The following ADGRV1 variants were observed in gnomAD, a reference collection of about 807,000 sequenced individuals.
ADGRV1 encodes adhesion G protein-coupled receptor V1, also known as G-protein coupled receptor 98.
Under a neutral mutation model 596.2 loss-of-function variants are expected in ADGRV1, and 359 were observed. That is an observed-to-expected ratio of 0.60 (90% confidence interval 0.55 to 0.66). ADGRV1 has a LOEUF of 0.66. Among genes scored for constraint, ADGRV1 ranks in the 30% least tolerant of loss-of-function variants. ADGRV1 has a pLI of 0.00. For synonymous variants in ADGRV1, 2,681 were observed against 2,679.2 expected (o/e 1.00, Z -0.02); for missense variants, 7,274 against 7,575.6 (o/e 0.96, Z 1.48).
In ADGRV1 at chr5:90,708,877, T is replaced by C. The variant is rs766944705; in HGVS notation, c.8792T>C (p.Met2931Thr). 1 of 1,612,336 alleles carries C rather than the reference T, an allele frequency of 6.2e-7. No homozygotes were observed. Among genetic ancestry groups the C allele is most frequent in the East Asian group, 2.2e-5 (1 of 44,752 alleles). The stretch of plus-strand genomic sequence containing the variant: ...AATTTAACTTACGTTGGACTTACCA[T>C]GGCTGCTTCAACTTCATTTCCTCCC... Reference protein sequence around the residue: ...LVNLTYVGLTMAASTSFPPRL... With the variant: ...LVNLTYVGLTTAASTSFPPRL... The change falls in exon 39 of 90, where the codon ATG (methionine) becomes ACG (threonine). Residue 2931 changes from methionine to threonine, a missense_variant. Physicochemically the swap from Met to Thr is moderately conservative, Grantham distance 81. Transcript: ENST00000405460.
chr5:90,868,754 A>G (rs1037594245), intron 83 of ADGRV1, among the ~76,000 whole-genome samples: 1 of 151,052 alleles, frequency 6.6e-6, no homozygotes, highest in Non-Finnish European at 1.5e-5. Context: ...TTGGGTGAAT[A>G]TGAATAAAGA....
chr5:90,915,440 C>T (rs1307148550), intron 83 of ADGRV1, among the ~76,000 whole-genome samples: 1 of 152,068 alleles, frequency 6.6e-6, no homozygotes, highest in African/African-American at 2.4e-5. Context: ...ATCTCTGTGT[C>T]CTTTGGTCAG....
At chr5:90,619,604 AATT>A (rs1161669093) in intron 4 of ADGRV1, among the ~76,000 whole-genome samples, 1 of 151,540 alleles carries the variant, frequency 6.6e-6, no homozygotes, top group Non-Finnish European at 1.5e-5. Context: ...CTTTTTTTTT[AATT>A]ATTATTATTA....
chr5:90,769,367 G>A (rs1251981788), intron 59 of ADGRV1, among the ~76,000 whole-genome samples: 5 of 152,182 alleles, frequency 3.3e-5, no homozygotes, highest in South Asian at 2.1e-4. Context: ...TCCCTATTAT[G>A]TCTTTCCTCT....
rs551108832 is a variant in ADGRV1 at position 90,973,028 on chromosome 5, C to T, written c.17973+7497C>T. Among the ~76,000 whole-genome samples, 381 of 152,120 alleles carry T rather than the reference C, an allele frequency of 2.5e-3. 1 individual carries two copies. Among genetic ancestry groups the T allele is most frequent in the African/African-American group, 8.4e-3 (348 of 41,506 alleles). ...AAATTAATAAAGGGGATATCACCAC[C>T]GATCCCACAGAAATACAGACTACCA... On this transcript the variant is annotated intron_variant, in intron 84 of 89. Coordinates refer to ENST00000405460, the MANE Select transcript of ADGRV1 (RefSeq NM_032119.4).
chr5:90,588,098 T>G (rs1759014993), intron 1 of ADGRV1, among the ~76,000 whole-genome samples: 1 of 152,216 alleles, frequency 6.6e-6, no homozygotes, highest in South Asian at 2.1e-4. Context: ...AATACTGTAT[T>G]CTATAGCCAC....
chr5:90,960,720 A>G (rs1041765343), intron 83 of ADGRV1, among the ~76,000 whole-genome samples: 2 of 152,120 alleles, frequency 1.3e-5, no homozygotes, highest in Non-Finnish European at 2.9e-5. Flanking sequence ...ACGTTTTGAA[A>G]GGTAAACATG....
At chr5:91,116,750 C>T (rs988560242) in intron 87 of ADGRV1, among the ~76,000 whole-genome samples, 19 of 152,184 alleles carry the variant, frequency 1.2e-4, no homozygotes, top group African/African-American at 3.4e-4. Flanking sequence ...TGTTTTGGGA[C>T]ATGTTGGGCC....
At chr5:91,119,688 A>G (rs10070771) in intron 87 of ADGRV1, among the ~76,000 whole-genome samples, 8,769 of 152,300 alleles carry the variant, frequency 0.058, 365 homozygotes, top group East Asian at 0.15. Context: ...TTTGTAGCCA[A>G]CTTTAGGGCA....
rs2149568002 is a variant in ADGRV1, at chr5:90,679,537, C to T, written c.5444-12C>T. The T allele has an allele frequency of 1.2e-6, 2 of 1,604,992 alleles. No individual in the cohort carries two copies. Among genetic ancestry groups the T allele is most frequent in the Non-Finnish European group, 1.7e-6 (2 of 1,172,316 alleles). ...TGTTGTGTGGGTTGTGTCTCTGTGT[C>T]TCCTTGTGAAGTAGCTGAACTCTTT... On this transcript the variant is annotated splice_polypyrimidine_tract_variant and intron_variant, in intron 25 of 89. Transcript: ENST00000405460.
intron 58 of ADGRV1, among the ~76,000 whole-genome samples, chr5:90,761,218 T>C (rs1014721705): frequency 2.0e-5 from 3 of 152,208 alleles, no homozygotes; most frequent in African/African-American, 4.8e-5. Flanking sequence ...GATTTGGCTA[T>C]TGAATTTCAA....
intron 85 of ADGRV1, among the ~76,000 whole-genome samples, chr5:90,990,578 T>C (rs927863069): frequency 5.3e-5 from 8 of 152,178 alleles, no homozygotes; most frequent in Non-Finnish European, 8.8e-5. Context: ...CTCCCACCGC[T>C]CACCTCCTGC....
chr5:90,727,667 G>A (rs1304420107), intron 48 of ADGRV1, among the ~76,000 whole-genome samples: 3 of 152,106 alleles, frequency 2.0e-5, no homozygotes, highest in African/African-American at 7.2e-5. Flanking sequence ...ACTGGATTAT[G>A]CCTGTTCTGG....
At chr5:90,619,263 T>G in intron 4 of ADGRV1, 82 bp downstream of exon 4, 1 of 603,762 alleles carries the variant, frequency 1.7e-6, no homozygotes, top group Non-Finnish European at 2.8e-6. Flanking sequence ...TGATGTTAGC[T>G]AGTATCATGC....
chr5:90,762,774 A>G (rs1391611982), intron 58 of ADGRV1: 1 of 152,434 alleles, frequency 6.6e-6, no homozygotes, highest in African/African-American at 2.4e-5. Flanking sequence ...GATTGTAGTA[A>G]CAAAGATCCC....
At position 90,776,494 on chromosome 5, in the gene ADGRV1, G is replaced by C. The variant is rs1758248830; in HGVS notation, c.12445G>C (p.Gly4149Arg). ...IIIRGDKRAS[G>R]EVGIAPSSRH... ...TATTCGGGGTGATAAGCGAGCATCAGGAGAAGTTGGGATAGCTCCGTCATC... is the reference window on the plus strand; with the variant it reads ...TATTCGGGGTGATAAGCGAGCATCACGAGAAGTTGGGATAGCTCCGTCATC... Residue 4149 changes from glycine (G) to arginine (R), a missense_variant, in exon 61 of 90, where the codon GGA (glycine) becomes CGA (arginine). By Grantham distance (125) the Gly-to-Arg change is moderately radical. This residue lies in a region of ADGRV1 where 3,643 missense variants were observed against 3,809.2 expected (regional missense o/e 0.96). Transcript: ENST00000405460. The C allele has an allele frequency of 6.2e-7, 1 of 1,613,174 alleles. No individual in the cohort carries two copies. The highest frequency in any genetic ancestry group is 1.3e-5 in the African/African-American group (1 of 74,864).
chr5:90,910,224 A>G (rs1772734931), intron 83 of ADGRV1, among the ~76,000 whole-genome samples: 1 of 152,370 alleles, frequency 6.6e-6, no homozygotes, highest in South Asian at 2.1e-4. Context: ...CACATGGAGG[A>G]GCTGATACTT....
chr5:90,788,006 G>T, intron 67 of ADGRV1, 65 bp from the exon 68 acceptor site: 1 of 1,235,098 alleles, frequency 8.1e-7, no homozygotes, highest in South Asian at 2.1e-5. Context: ...TAGATACCCT[G>T]AAATAGTTTT....
chr5:90,595,607 G>C lies in ADGRV1; in HGVS notation c.23-19228G>C, dbSNP rs538783398. ...TCCCAGATGGGGCGGCTGGCCGGGC[G>C]GGGGGCTGACCCCCCCACCTCCCTC... On this transcript the variant is annotated intron_variant, in intron 1 of 89. Coordinates refer to ENST00000405460, the MANE Select transcript of ADGRV1 (RefSeq NM_032119.4). 3.0e-3 allele frequency among the ~76,000 whole-genome samples: 391 copies of C among 130,964 alleles called. 3 individuals are homozygous for C. The highest frequency in any genetic ancestry group is 0.021 in the Middle Eastern group (5 of 238). The allele number at this position is 130,964 out of a possible 152,430, so 85.9% of individuals were successfully genotyped here. A position where few individuals can be genotyped will look rare whatever the true frequency, so the allele number is the denominator to read the frequency against.
Sources: gnomAD v4.1 joint callset for allele counts (sites outside exome capture counted in the v4.1 genomes callset) on GRCh38, gnomAD v4.1.1 for gene constraint, gnomAD v4.1.1 regional missense constraint, MANE v1.5 for transcripts, NCBI Gene and HGNC (gene_info 2026-07-23, HGNC 2026-07-21) for gene names.